ANO3: variants seen among roughly 807,000 people sequenced by gnomAD.
ANO3 encodes anoctamin 3.
ANO3 carries 99 observed loss-of-function variants against 144.8 expected under a neutral mutation model. The ratio of observed to expected loss-of-function variants is 0.68; its 90% CI spans 0.58 to 0.81. ANO3 has a LOEUF of 0.81. Among genes scored for constraint, ANO3 ranks in the 30% least tolerant of loss-of-function variants. The pLI, the probability that ANO3 is intolerant of heterozygous loss-of-function variation, is 0.00. For missense variants in ANO3, 905 were observed against 1,202.2 expected, an observed-to-expected ratio of 0.75 and a Z score of 3.66; for synonymous variants, 414 against 392.6, an observed-to-expected ratio of 1.05 and a Z score of -0.64.
At chr11:26,251,018 G>A (rs1380731902) in intron 1 of ANO3, among the ~76,000 whole-genome samples, 1 of 152,092 alleles carries the variant, frequency 6.6e-6, no homozygotes, top group Non-Finnish European at 1.5e-5. Context: ...GGGAGCTGTG[G>A]TTCTCTTATA....
rs71047866 is a variant in ANO3 at position 26,559,835 on chromosome 11, TACACACAC to T, written c.1447+89_1447+96del. ...TTATTTTCTGAAGCTGTTTCTGTGT[TACACACAC>T]ACACACACACACACACACACACACA... On this transcript the variant is annotated intron_variant, in intron 14 of 26. Coordinates refer to ENST00000256737, the MANE Select transcript of ANO3 (RefSeq NM_031418.4). 0.11 allele frequency: 71,686 copies of T among 658,634 alleles called. 1,479 individuals carry two copies. Among genetic ancestry groups the T allele is most frequent in the Non-Finnish European group, 0.12 (44,641 of 367,522 alleles). 40.8% of individuals were successfully genotyped at this position (658,634 alleles called of 1,614,324 possible). A position where few individuals can be genotyped will look rare whatever the true frequency, so the allele number is the denominator to read the frequency against.
intron 1 of ANO3, among the ~76,000 whole-genome samples, chr11:26,323,095 TTG>T (rs1172127184): frequency 1.3e-5 from 2 of 151,974 alleles, no homozygotes; most frequent in Non-Finnish European, 2.9e-5. Context: ...TTCATCAATT[TTG>T]TGTGTGTGTT....
At chr11:26,452,400 T>G (rs892579123) in intron 3 of ANO3, among the ~76,000 whole-genome samples, 2 of 152,092 alleles carry the variant, frequency 1.3e-5, no homozygotes, top group Non-Finnish European at 2.9e-5. Context: ...CTGATGGAGC[T>G]GAAAGCCAAG....
At chr11:26,457,194 G>T (rs1253225416) in intron 3 of ANO3, among the ~76,000 whole-genome samples, 2 of 150,824 alleles carry the variant, frequency 1.3e-5, no homozygotes, top group Non-Finnish European at 2.9e-5. Flanking sequence ...CCTGCACATT[G>T]TGCACACGTA....
chr11:26,642,979 A>G (rs1187349200), intron 22 of ANO3, among the ~76,000 whole-genome samples: 2 of 152,214 alleles, frequency 1.3e-5, no homozygotes, highest in African/African-American at 4.8e-5. Context: ...CTTAATTTGA[A>G]TAAAGGTTTC....
chr11:26,533,840 A>G (rs959104655), intron 8 of ANO3, among the ~76,000 whole-genome samples: 7 of 152,206 alleles, frequency 4.6e-5, no homozygotes, highest in African/African-American at 1.7e-4. Context: ...TATCACTCAC[A>G]TAGATAGAGT....
At chr11:26,646,480 T>C (rs1381486850) in intron 23 of ANO3, among the ~76,000 whole-genome samples, 1 of 152,128 alleles carries the variant, frequency 6.6e-6, no homozygotes, top group African/African-American at 2.4e-5. Flanking sequence ...TTACCAAAAA[T>C]GTTGTAACAA....
At chr11:26,447,063 G>A (rs1468169277) in intron 3 of ANO3, among the ~76,000 whole-genome samples, 1 of 151,914 alleles carries the variant, frequency 6.6e-6, no homozygotes, top group Non-Finnish European at 1.5e-5. Flanking sequence ...AAAATAATTA[G>A]TCAAGCACGG....
intron 12 of ANO3, among the ~76,000 whole-genome samples, chr11:26,551,090 A>G (rs1224023264): frequency 6.6e-6 from 1 of 151,996 alleles, no homozygotes; most frequent in Non-Finnish European, 1.5e-5. Context: ...ACTTTTCCCC[A>G]AAAATGTGTA....
At chr11:26,597,411 G>A (rs1411255368) in intron 14 of ANO3, among the ~76,000 whole-genome samples, 1 of 152,204 alleles carries the variant, frequency 6.6e-6, no homozygotes, top group Non-Finnish European at 1.5e-5. Flanking sequence ...ACTTAGCCGT[G>A]CAGGAACAAC....
chr11:26,196,659 C>T, intron 1 of ANO3, among the ~76,000 whole-genome samples: 1 of 151,950 alleles, frequency 6.6e-6, no homozygotes, highest in Middle Eastern at 3.4e-3. Context: ...TCAAATAAAA[C>T]TATTCTCAAA....
chr11:26,606,242 C>T (rs1055961472), intron 17 of ANO3, among the ~76,000 whole-genome samples: 8 of 152,130 alleles, frequency 5.3e-5, no homozygotes, highest in Middle Eastern at 3.2e-3. Context: ...TGGTTTTGAG[C>T]GAGTATCCTA....
intron 4 of ANO3, among the ~76,000 whole-genome samples, chr11:26,496,995 T>TATATATAC (rs1206312744): frequency 4.0e-4 from 51 of 126,638 alleles, no homozygotes; most frequent in South Asian, 8.1e-4. Context: ...TATATATATA[T>TATATATAC]ACACACACAG....
chr11:26,599,458 T>C, intron 16 of ANO3, 92 bp from the exon 17 acceptor site: 1 of 1,284,638 alleles, frequency 7.8e-7, no homozygotes, highest in Non-Finnish European at 1.1e-6. Context: ...ATACCTTCAA[T>C]TCTTGGGGAC....
chr11:26,517,440 T>C lies in ANO3; in HGVS notation c.692+513T>C, dbSNP rs1001914895. Among the ~76,000 whole-genome samples, 4 of 152,036 alleles carry C rather than the reference T, an allele frequency of 2.6e-5. No individual in the cohort carries two copies. The South Asian group carries it at 8.3e-4, about 31-fold the overall frequency. ...CTTTCAAAGATTTTTCAGTCCTTCC[T>C]TTAGGCAAGTAAAGATTAAATAGAC... On this transcript the variant is annotated intron_variant, in intron 6 of 26. Transcript: ENST00000256737.
chr11:26,194,701 C>A (rs576599056), intron 1 of ANO3, among the ~76,000 whole-genome samples: 1 of 151,488 alleles, frequency 6.6e-6, no homozygotes, highest in Non-Finnish European at 1.5e-5. Flanking sequence ...GGTTTCTCCA[C>A]GTTCAGGCTC....
In ANO3 at chr11:26,538,546, A is replaced by G. The variant is rs144130457; in HGVS notation, c.1032+1085A>G. 2.5e-3 allele frequency among the ~76,000 whole-genome samples: 377 copies of G among 152,292 alleles called. 4 individuals are homozygous for G. Among genetic ancestry groups the G allele is most frequent in the African/African-American group, 8.3e-3 (343 of 41,568 alleles). On this transcript the variant is annotated intron_variant, in intron 10 of 26. Coordinates refer to ENST00000256737, the MANE Select transcript of ANO3 (RefSeq NM_031418.4). ...TATCAGATAGCACATAATAAATGGT[A>G]AAGTGTTCAGAATGGCAAACTTAAG...
chr11:26,348,718 A>G (rs969653272), intron 1 of ANO3, among the ~76,000 whole-genome samples: 12 of 152,228 alleles, frequency 7.9e-5, no homozygotes, highest in Admixed American at 4.6e-4. Flanking sequence ...CTCATTCAAC[A>G]AATTTTACAA....
intron 10 of ANO3, among the ~76,000 whole-genome samples, chr11:26,539,855 A>G (rs1849602031): frequency 6.6e-6 from 1 of 152,176 alleles, no homozygotes; most frequent in Non-Finnish European, 1.5e-5. Flanking sequence ...ACTGGGTATT[A>G]TTATTATTAC....
Sources: gnomAD v4.1 joint callset for allele counts (sites outside exome capture counted in the v4.1 genomes callset) on GRCh38, gnomAD v4.1.1 for gene constraint, MANE v1.5 for transcripts, NCBI Gene and HGNC (gene_info 2026-07-23, HGNC 2026-07-21) for gene names.